The following CCDC178 variants were observed in gnomAD, a reference collection of about 807,000 sequenced individuals.
CCDC178 encodes coiled-coil domain containing 178, also known as coiled-coil domain-containing protein 178.
CCDC178 carries 126 observed loss-of-function variants against 117.4 expected under a neutral mutation model. That is an observed-to-expected ratio of 1.07 (90% CI 0.93 to 1.24). CCDC178 has a LOEUF of 1.24. Among genes scored for constraint, CCDC178 ranks in the 50% most tolerant of loss-of-function variants. The pLI is 0.00. For missense variants in CCDC178, 1,030 were observed against 986.9 expected, an observed-to-expected ratio of 1.04 and a Z score of -0.59; for synonymous variants, 283 against 313.4, an observed-to-expected ratio of 0.90 and a Z score of 1.02.
chr18:33,320,548 A>AC (rs1448691462), intron 11 of CCDC178, among the ~76,000 whole-genome samples: 2 of 152,158 alleles, frequency 1.3e-5, no homozygotes, highest in South Asian at 2.1e-4. Flanking sequence ...GATGTGAAGG[A>AC]CTCTTCAAGG....
chr18:33,313,386 C>T (rs921342256), intron 11 of CCDC178, among the ~76,000 whole-genome samples: 9 of 152,286 alleles, frequency 5.9e-5, no homozygotes, highest in African/African-American at 2.2e-4. Context: ...GGGTCATTTC[C>T]AAATGCCACT....
At chr18:33,245,204 T>A (rs540107920) in intron 15 of CCDC178, 41 bp downstream of exon 15, 1 of 1,450,838 alleles carries the variant, frequency 6.9e-7, no homozygotes, top group Non-Finnish European at 9.2e-7. Context: ...TAAATTACTC[T>A]TTTTTTCATC....
Position 33,215,811 on chromosome 18 carries a change from A to G in CCDC178, c.1933-116T>C, listed in dbSNP as rs2059158953. 15 of 707,836 alleles carry G rather than the reference A, an allele frequency of 2.1e-5. No homozygotes were observed. In the South Asian group the frequency reaches 3.6e-4, roughly 17 times the overall value. 43.8% of individuals were successfully genotyped at this position (707,836 alleles called of 1,614,324 possible). On this transcript the variant is annotated intron_variant, in intron 18 of 22. Coordinates refer to ENST00000383096, the MANE Select transcript of CCDC178 (RefSeq NM_001105528.4). ...CAACTAAAAGTTAATAGTGGGCCAC[A>G]CCTGATGGCTCACTCCTGTAATCCC...
chr18:33,404,588 C>G (rs1040992197), intron 3 of CCDC178, among the ~76,000 whole-genome samples: 16 of 151,926 alleles, frequency 1.1e-4, no homozygotes, highest in Admixed American at 1.1e-3. Context: ...ACAAAATGAC[C>G]CAGCAATTCC....
chr18:33,055,044 T>C (rs1598833813), intron 21 of CCDC178, among the ~76,000 whole-genome samples: 1 of 152,216 alleles, frequency 6.6e-6, no homozygotes, highest in East Asian at 1.9e-4. Flanking sequence ...GTCGAGCATT[T>C]TTTCATGTTT....
chr18:33,065,713 AT>A (rs1459945078), intron 21 of CCDC178, among the ~76,000 whole-genome samples: 1 of 152,176 alleles, frequency 6.6e-6, no homozygotes, highest in Non-Finnish European at 1.5e-5. Flanking sequence ...GTTACACATA[AT>A]GGAATCCCCA....
At chr18:32,992,252 T>A (rs1314927768) in intron 21 of CCDC178, among the ~76,000 whole-genome samples, 1 of 152,202 alleles carries the variant, frequency 6.6e-6, no homozygotes, top group Non-Finnish European at 1.5e-5. Flanking sequence ...ACATGATATG[T>A]GGGATTATCA....
At chr18:32,974,846 C>G (rs995273552) in intron 21 of CCDC178, among the ~76,000 whole-genome samples, 165 bp from the exon 22 acceptor site, 1 of 152,152 alleles carries the variant, frequency 6.6e-6, no homozygotes, top group Non-Finnish European at 1.5e-5. Flanking sequence ...TTTCAGCCCA[C>G]TCATGTGCAT....
intron 11 of CCDC178, among the ~76,000 whole-genome samples, chr18:33,313,650 C>T (rs547516244): frequency 1.7e-4 from 26 of 152,226 alleles, no homozygotes; most frequent in African/African-American, 5.5e-4. Context: ...GGAGCTACAA[C>T]TTCAGGGAGC....
intron 2 of CCDC178, among the ~76,000 whole-genome samples, chr18:33,415,356 G>T (rs2144911828): frequency 6.6e-6 from 1 of 152,252 alleles, no homozygotes; most frequent in Non-Finnish European, 1.5e-5. Flanking sequence ...ATACACTATG[G>T]AATACTATGC....
chr18:33,341,580 T>G (rs2062817512), intron 9 of CCDC178, among the ~76,000 whole-genome samples: 1 of 152,178 alleles, frequency 6.6e-6, no homozygotes, highest in African/African-American at 2.4e-5. Flanking sequence ...GGGGAGGTAA[T>G]TTAATCACAT....
At chr18:32,949,516 T>G (rs966633911) in intron 22 of CCDC178, among the ~76,000 whole-genome samples, 3 of 152,152 alleles carry the variant, frequency 2.0e-5, no homozygotes, top group African/African-American at 7.2e-5. Flanking sequence ...ATATTAAATC[T>G]GCCACTAATC....
chr18:32,967,034 AT>A (rs1464465090), intron 22 of CCDC178, among the ~76,000 whole-genome samples: 3 of 151,736 alleles, frequency 2.0e-5, no homozygotes, highest in African/African-American at 7.3e-5. Flanking sequence ...TATCAAGTAC[AT>A]TTTATGAAGT....
At chr18:33,359,492 G>T (rs145986053) in intron 6 of CCDC178, among the ~76,000 whole-genome samples, 2 of 151,590 alleles carry the variant, frequency 1.3e-5, no homozygotes, top group African/African-American at 4.8e-5. Flanking sequence ...CACAGAGAAG[G>T]CCTACAATTC....
intron 20 of CCDC178, among the ~76,000 whole-genome samples, chr18:33,203,339 T>C (rs2059014109): frequency 6.6e-6 from 1 of 152,154 alleles, no homozygotes; most frequent in South Asian, 2.1e-4. Flanking sequence ...TGTTTTTAAG[T>C]TTGCTTTCCT....
At chr18:33,060,005 C>T (rs1460925973) in intron 21 of CCDC178, among the ~76,000 whole-genome samples, 1 of 151,916 alleles carries the variant, frequency 6.6e-6, no homozygotes, top group African/African-American at 2.4e-5. Flanking sequence ...TATTTATTTG[C>T]AGCTCTCTCA....
rs147310215 is a variant in CCDC178, at chr18:32,984,236, C to T, written c.2389-9555G>A. The stretch of plus-strand genomic sequence containing the variant: ...TATAAAAATAATATATTCGATAATT[C>T]TGCATTTGGATCTCTGCTAATATAT... On this transcript the variant is annotated intron_variant, in intron 21 of 22. Transcript: ENST00000383096. Among the ~76,000 whole-genome samples, 12 of 151,838 alleles carry T rather than the reference C, an allele frequency of 7.9e-5. No individual in the cohort carries two copies. In the East Asian group the frequency reaches 2.1e-3, roughly 27 times the overall value.
intron 20 of CCDC178, among the ~76,000 whole-genome samples, chr18:33,095,809 C>G (rs1357714002): frequency 6.6e-6 from 1 of 151,686 alleles, no homozygotes; most frequent in African/African-American, 2.4e-5. Context: ...TATATATACT[C>G]TTTTAAGTAT....
intron 6 of CCDC178, among the ~76,000 whole-genome samples, chr18:33,360,267 TTATATAA>T (rs1342277272): frequency 8.6e-5 from 13 of 150,304 alleles, no homozygotes; most frequent in Non-Finnish European, 1.9e-4. Context: ...AATCAAATCC[TTATATAA>T]TATATAATTA....
Sources: gnomAD v4.1 joint callset for allele counts (sites outside exome capture counted in the v4.1 genomes callset) on GRCh38, gnomAD v4.1.1 for gene constraint, MANE v1.5 for transcripts, NCBI Gene and HGNC (gene_info 2026-07-23, HGNC 2026-07-21) for gene names.